The following PHLPP1 variants were observed in gnomAD, a reference collection of about 807,000 sequenced individuals.
The protein encoded by PHLPP1 is PH domain leucine-rich repeat-containing protein phosphatase 1.
Under a neutral mutation model 117.2 loss-of-function variants are expected in PHLPP1, and 42 were observed. That is an observed-to-expected ratio of 0.36 (90% confidence interval 0.28 to 0.46). PHLPP1 has a LOEUF of 0.46. Ranked by LOEUF, PHLPP1 falls within the 20% of genes least tolerant of loss-of-function variation. PHLPP1 has a pLI of 1.00. For missense variants in PHLPP1, 2,084 were observed against 2,241.9 expected, an observed-to-expected ratio of 0.93 and a Z score of 1.42; for synonymous variants, 1,042 against 970.7, an observed-to-expected ratio of 1.07 and a Z score of -1.37.
chr18:62,978,814 G>T lies in PHLPP1; in HGVS notation c.4537G>T (p.Glu1513Ter). Residue 1513 changes from glutamate to a stop codon, truncating the protein, a stop_gained, in exon 17 of 17, where the codon GAG becomes TAG. Transcript: ENST00000262719. LOFTEE classifies it low-confidence loss of function (END_TRUNC). This position sits in a 1 kb window ranked among gnomAD's most constrained non-coding sequence, Gnocchi z 7.0. ...LSENSPAYPS[E>*]QRCMLHPICL... is the part of the protein sequence containing the mutation. ...CGAGAACAGCCCTGCCTACCCCAGTGAGCAGCGCTGCATGCTCCACCCCAT... is the reference window on the plus strand; with the variant it reads ...CGAGAACAGCCCTGCCTACCCCAGTTAGCAGCGCTGCATGCTCCACCCCAT... The T allele has an allele frequency of 6.2e-7, 1 of 1,610,884 alleles. No individual in the cohort carries two copies.
At chr18:62,849,966 T>C (rs1422250437) in intron 3 of PHLPP1, among the ~76,000 whole-genome samples, 2 of 150,622 alleles carry the variant, frequency 1.3e-5, no homozygotes, top group Admixed American at 1.3e-4. Context: ...CTGGTCTAAT[T>C]TATTATTTTA....
At chr18:62,790,191 C>T (rs1381821707) in intron 1 of PHLPP1, among the ~76,000 whole-genome samples, 2 of 152,108 alleles carry the variant, frequency 1.3e-5, no homozygotes, top group Non-Finnish European at 1.5e-5. Flanking sequence ...TGTCAGTCAG[C>T]GATCACTTGC....
At chr18:62,824,587 CTTATT>C (rs1268601042) in intron 1 of PHLPP1, among the ~76,000 whole-genome samples, 9 of 151,970 alleles carry the variant, frequency 5.9e-5, no homozygotes, top group South Asian at 4.1e-4. Context: ...TACATCATAT[CTTATT>C]TTATACTTTA....
chr18:62,849,797 CAAAAAAAAAAAAAAA>C (rs1159265423), intron 3 of PHLPP1, among the ~76,000 whole-genome samples: 16 of 7,398 alleles, frequency 2.2e-3, no homozygotes, highest in South Asian at 0.019. Context: ...CCTGTCTCTA[CAAAAAAAAAAAAAAA>C]AAAAAAAAAA....
intron 16 of PHLPP1, among the ~76,000 whole-genome samples, chr18:62,976,270 C>T (rs147013744): frequency 9.9e-5 from 15 of 152,252 alleles, no homozygotes; most frequent in Non-Finnish European, 1.9e-4. Flanking sequence ...CATCCTACAG[C>T]GCTGCTAGGA....
At position 62,978,872 on chromosome 18, in the gene PHLPP1, C is replaced by T. The variant is rs761501475; in HGVS notation, c.4595C>T (p.Ser1532Phe). 1.9e-6 allele frequency: 3 copies of T among 1,607,034 alleles called. No individual in the cohort carries two copies. The African/African-American group carries it at 4.0e-5, about 22-fold the overall frequency. ...CLSNSFQRQL[S>F]SATFSSAFSD... ...TCCAACTCCTTCCAGCGCCAGCTATCCAGCGCCACGTTCTCTAGCGCCTTC... is the reference window on the plus strand; with the variant it reads ...TCCAACTCCTTCCAGCGCCAGCTATTCAGCGCCACGTTCTCTAGCGCCTTC... The change falls in exon 17 of 17, where the codon TCC becomes TTC. Residue 1532 changes from serine (S) to phenylalanine (F), a missense_variant. Physicochemically the swap from Ser to Phe is radical, Grantham distance 155. Coordinates refer to ENST00000262719, the MANE Select transcript of PHLPP1 (RefSeq NM_194449.4). This position sits in a 1 kb window ranked among gnomAD's most constrained non-coding sequence, Gnocchi z 7.0.
chr18:62,732,568 A>G (rs549715807), intron 1 of PHLPP1, among the ~76,000 whole-genome samples: 43 of 152,334 alleles, frequency 2.8e-4, no homozygotes, highest in Non-Finnish European at 4.7e-4. Context: ...TGCTAACACA[A>G]CATCCATTCT....
rs1411636012 is a variant in PHLPP1 at position 62,895,927 on chromosome 18, A to G, written c.2360A>G (p.Lys787Arg). Reference sequence around the variant, plus strand: ...TTGGAGAAATTGACTGCTGTGGATAAACTTTGTATGTCTGGAAACTGTGTG... The same window carrying G: ...TTGGAGAAATTGACTGCTGTGGATAGACTTTGTATGTCTGGAAACTGTGTG... Reference protein sequence around the residue: ...EVLEKLTAVDKLCMSGNCVET... With the variant: ...EVLEKLTAVDRLCMSGNCVET... The change falls in exon 6 of 17, where the codon AAA becomes AGA. Residue 787 changes from lysine to arginine, a missense_variant. By Grantham distance (26) the Lys-to-Arg change is conservative. This residue lies in a region of PHLPP1 where 1,365 missense variants were observed against 1,605.9 expected (regional missense o/e 0.85). Transcript: ENST00000262719. 1 of 1,613,792 alleles carries G rather than the reference A, an allele frequency of 6.2e-7. No homozygotes were observed. Among genetic ancestry groups the G allele is most frequent in the African/African-American group, 1.3e-5 (1 of 74,934 alleles).
At position 62,963,464 on chromosome 18, in the gene PHLPP1, A is replaced by T. The variant is rs746459094; in HGVS notation, c.3552A>T (p.Val1184=). The T allele has an allele frequency of 2.3e-5, 37 of 1,606,690 alleles. No individual in the cohort carries two copies. The highest frequency in any genetic ancestry group is 1.2e-4 in the South Asian group (11 of 90,028). Reference sequence around the variant, plus strand: ...ATGGTTACACTGAAGCTTCGGGGGTAAAAAACAAGTAAGTCAGATGAAACT... The same window carrying T: ...ATGGTTACACTGAAGCTTCGGGGGTTAAAAACAAGTAAGTCAGATGAAACT... ...WSHGYTEASG[V]KNKLCVAALS... The change falls in exon 14 of 17, where the codon GTA becomes GTT. Residue 1184 remains valine (V), a synonymous_variant. Transcript: ENST00000262719.
intron 1 of PHLPP1, among the ~76,000 whole-genome samples, chr18:62,732,106 T>A (rs746151947): frequency 8.5e-5 from 13 of 152,242 alleles, no homozygotes; most frequent in Admixed American, 2.0e-4. Context: ...AGATCATTGA[T>A]GAAGGCAGCT....
intron 1 of PHLPP1, among the ~76,000 whole-genome samples, chr18:62,757,835 A>G (rs1396727643): frequency 2.6e-5 from 4 of 152,026 alleles, no homozygotes; most frequent in Non-Finnish European, 4.4e-5. Flanking sequence ...GAACAACTCA[A>G]CCTGTGAATA....
intron 11 of PHLPP1, among the ~76,000 whole-genome samples, chr18:62,943,459 G>T (rs1207076694): frequency 3.3e-5 from 5 of 152,070 alleles, no homozygotes; most frequent in South Asian, 2.1e-4. Context: ...TCTTTTGGGG[G>T]CCTGTTTTCT....
intron 1 of PHLPP1, among the ~76,000 whole-genome samples, chr18:62,793,396 C>T (rs1385733562): frequency 6.6e-6 from 1 of 152,184 alleles, no homozygotes; most frequent in East Asian, 1.9e-4. Flanking sequence ...TCTTGCCTGC[C>T]TGTTTGAACC....
chr18:62,766,076 A>AAAAATATATATATATATATATATATAT, intron 1 of PHLPP1, among the ~76,000 whole-genome samples: 5 of 21,652 alleles, frequency 2.3e-4, no homozygotes, highest in Non-Finnish European at 4.2e-4. Context: ...AAAAAAAAAA[A>AAAAATATATATATATATATATATATAT]ATATATATAT....
At chr18:62,847,416 T>C (rs1440984623) in intron 3 of PHLPP1, among the ~76,000 whole-genome samples, 1 of 152,224 alleles carries the variant, frequency 6.6e-6, no homozygotes, top group East Asian at 1.9e-4. Flanking sequence ...TGGAAAATTT[T>C]TCCCAGGAAA....
At chr18:62,766,578 T>C (rs985070358) in intron 1 of PHLPP1, among the ~76,000 whole-genome samples, 10 of 152,150 alleles carry the variant, frequency 6.6e-5, no homozygotes, top group Admixed American at 3.3e-4. Flanking sequence ...GAAACTGGCC[T>C]AATTCTGGGG....
intron 10 of PHLPP1, among the ~76,000 whole-genome samples, chr18:62,937,677 T>G (rs934881846): frequency 4.6e-5 from 7 of 152,176 alleles, no homozygotes; most frequent in African/African-American, 1.7e-4. Context: ...TCGTGAAATA[T>G]GAGAGGTTAT....
At chr18:62,771,171 G>A (rs574772533) in intron 1 of PHLPP1, among the ~76,000 whole-genome samples, 7 of 146,504 alleles carry the variant, frequency 4.8e-5, no homozygotes, top group South Asian at 2.2e-4. Flanking sequence ...CCGAGATTGC[G>A]CCATTGCCCT....
intron 3 of PHLPP1, among the ~76,000 whole-genome samples, chr18:62,851,839 GA>G (rs1915358826): frequency 6.6e-6 from 1 of 151,766 alleles, no homozygotes; most frequent in South Asian, 2.1e-4. Context: ...TCATTACCTC[GA>G]ATCATTTTAA....
Sources: gnomAD v4.1 joint callset for allele counts (sites outside exome capture counted in the v4.1 genomes callset) on GRCh38, gnomAD v4.1.1 for gene constraint, gnomAD v4.1.1 regional missense constraint, Gnocchi (gnomAD v3.1) non-coding constraint, MANE v1.5 for transcripts, NCBI Gene and HGNC (gene_info 2026-07-23, HGNC 2026-07-21) for gene names.